Variants in RBM5 observed in about 807,000 individuals in gnomAD.
The protein encoded by RBM5 is RNA binding motif protein 5.
Under a neutral mutation model 124.6 loss-of-function variants are expected in RBM5, and 15 were observed. That is an observed-to-expected ratio of 0.12 (90% CI 0.08 to 0.19). RBM5 has a LOEUF of 0.19. RBM5 is among the 10% of genes least tolerant of loss of function. The probability of loss-of-function intolerance (pLI) is 1.00; values close to 1 mark genes in which losing one functional copy is unlikely to be tolerated. For missense variants in RBM5, 580 were observed against 1,026.5 expected, an observed-to-expected ratio of 0.57 and a Z score of 5.94; for synonymous variants, 337 against 361.2, an observed-to-expected ratio of 0.93 and a Z score of 0.76.
intron 4 of RBM5, chr3:50,099,749 C>T (rs1369877501): frequency 5.7e-6 from 2 of 350,210 alleles, no homozygotes; most frequent in African/African-American, 2.2e-5. Flanking sequence ...ATAATCCCAG[C>T]TACTCGGGAG....
intron 24 of RBM5, 70 bp from the exon 25 acceptor site, chr3:50,118,261 G>T (rs2091294478): frequency 6.3e-7 from 1 of 1,595,690 alleles, no homozygotes; most frequent in African/African-American, 1.3e-5. Context: ...GCTGGGTAAG[G>T]AGTGGGCATG....
chr3:50,118,606 C>G lies in RBM5; in HGVS notation c.*150C>G. 1 of 1,254,424 alleles carries G rather than the reference C, an allele frequency of 8.0e-7. No homozygotes were observed. Among genetic ancestry groups the G allele is most frequent in the Admixed American group, 2.4e-5 (1 of 41,978 alleles). The allele number at this position is 1,254,424 out of a possible 1,614,324, so 77.7% of individuals were successfully genotyped here. On this transcript the variant is annotated 3_prime_UTR_variant, in exon 25 of 25. Transcript: ENST00000347869. ...CATTCTGCAGGGTTCTCCCTCCCAC[C>G]TTAAAGAAGTTCCCCTTATGTGGGT...
chr3:50,107,454 T>G, intron 11 of RBM5, 28 bp from the exon 12 acceptor site: 1 of 1,525,954 alleles, frequency 6.6e-7, no homozygotes, highest in Non-Finnish European at 9.1e-7. Flanking sequence ...TGTGATAGAA[T>G]CACATGATTG....
At chr3:50,091,946 T>C (rs2090710523) in intron 2 of RBM5, 97 bp from the exon 3 acceptor site, 4 of 1,339,128 alleles carry the variant, frequency 3.0e-6, no homozygotes, top group Non-Finnish European at 4.3e-6. Context: ...TTGGATTATC[T>C]TATAAACTGA....
At chr3:50,099,364 C>T (rs2090892494) in intron 4 of RBM5, among the ~76,000 whole-genome samples, 1 of 150,256 alleles carries the variant, frequency 6.7e-6, no homozygotes, top group Admixed American at 6.6e-5. Flanking sequence ...GAAATGTTCT[C>T]TCTTTTTTGT....
rs374944268 is a variant in RBM5, at chr3:50,090,357, G to A, written c.-53-25G>A. On this transcript the variant is annotated intron_variant, in intron 1 of 24. Transcript: ENST00000347869. ...ACTTAAGTGATCTCTGAGATTTATA[G>A]CAATTAATCTCTCTTGTCTCCTAGA... is the stretch of plus-strand genomic sequence containing the variant. 21 of 1,516,676 alleles carry A rather than the reference G, an allele frequency of 1.4e-5. No homozygotes were observed. The African/African-American group carries it at 2.5e-4, about 18-fold the overall frequency. The allele number at this position is 1,516,676 out of a possible 1,614,324, so 94.0% of individuals were successfully genotyped here.
rs755611867 is a variant in RBM5, at chr3:50,108,138, A to G, written c.1110A>G (p.Gln370=). The change falls in exon 13 of 25, where the codon CAA becomes CAG. Residue 370 remains glutamine (Q), a synonymous_variant. Coordinates refer to ENST00000347869, the MANE Select transcript of RBM5 (RefSeq NM_005778.4). ...AACCAGGTCAAGATGGCTATGCCCA[A>G]TATGCTCAGGTAGGTAGATTTTAGC... ...YLQPGQDGYA[Q]YAQYSQDYQQ... 6.2e-6 allele frequency: 10 copies of G among 1,609,774 alleles called. No homozygotes were observed. In the African/African-American group the frequency reaches 8.0e-5, roughly 13 times the overall value.
chr3:50,090,344 T>C (rs2090682058), intron 1 of RBM5, 38 bp from the exon 2 acceptor site: 2 of 1,445,150 alleles, frequency 1.4e-6, no homozygotes, highest in South Asian at 1.2e-5. Flanking sequence ...TTAAGTGATC[T>C]CTGAGATTTA....
At chr3:50,096,256 A>C (rs1040981711) in intron 4 of RBM5, among the ~76,000 whole-genome samples, 3 of 151,958 alleles carry the variant, frequency 2.0e-5, no homozygotes, top group African/African-American at 7.3e-5. Flanking sequence ...CGGGAGGCCA[A>C]GGTGAAAAGA....
At chr3:50,090,735 A>C in intron 2 of RBM5, among the ~76,000 whole-genome samples, 1 of 152,202 alleles carries the variant, frequency 6.6e-6, no homozygotes, top group East Asian at 1.9e-4. Flanking sequence ...TCTGGAAGGA[A>C]GCTGAAGGAT....
chr3:50,105,884 A>C (rs1323119471), intron 10 of RBM5, among the ~76,000 whole-genome samples, 175 bp downstream of exon 10: 1 of 152,142 alleles, frequency 6.6e-6, no homozygotes, highest in African/African-American at 2.4e-5. Context: ...TAGTAAAAAT[A>C]ATGTGTATAC....
intron 24 of RBM5, chr3:50,118,064 T>C (rs757567601): frequency 1.6e-5 from 8 of 498,766 alleles, no homozygotes; most frequent in South Asian, 9.9e-5. Flanking sequence ...GAGGAATACT[T>C]TGGGGCCCTT....
At chr3:50,092,745 T>C in intron 3 of RBM5, 1 of 453,250 alleles carries the variant, frequency 2.2e-6, no homozygotes, top group Non-Finnish European at 4.4e-6. Context: ...TGTTTTGAAA[T>C]GAATGATAAA....
chr3:50,110,444 A>G lies in RBM5; in HGVS notation c.1344A>G (p.Val448=), dbSNP rs2091122094. The change falls in exon 16 of 25, where the codon GTA becomes GTG. Residue 448 remains valine (V), a synonymous_variant. Coordinates refer to ENST00000347869, the MANE Select transcript of RBM5 (RefSeq NM_005778.4). The part of the protein sequence containing the change: ...TQAPAASPTG[V]VPGTKYAVPD... ...CCCCAGCCGCTTCCCCTACTGGTGTAGTTCCTGGTACCAAATATGGTAAGC... is the reference window on the plus strand; with the variant it reads ...CCCCAGCCGCTTCCCCTACTGGTGTGGTTCCTGGTACCAAATATGGTAAGC... 1.2e-6 allele frequency: 2 copies of G among 1,614,138 alleles called. No individual in the cohort carries two copies. Among genetic ancestry groups the G allele is most frequent in the Non-Finnish European group, 8.5e-7 (1 of 1,179,980 alleles).
At chr3:50,091,362 T>C (rs1287853146) in intron 2 of RBM5, among the ~76,000 whole-genome samples, 1 of 152,244 alleles carries the variant, frequency 6.6e-6, no homozygotes, top group Non-Finnish European at 1.5e-5. Context: ...TGGTAAACAG[T>C]TTACAAAAGG....
chr3:50,095,132 C>A (rs1056605281), intron 4 of RBM5, among the ~76,000 whole-genome samples: 5 of 152,038 alleles, frequency 3.3e-5, no homozygotes, highest in Non-Finnish European at 5.9e-5. Context: ...ACCTGGGAGG[C>A]GGAGTTTACA....
At chr3:50,107,988 A>G (rs1373037885) in intron 12 of RBM5, 82 bp from the exon 13 acceptor site, 4 of 1,115,724 alleles carry the variant, frequency 3.6e-6, no homozygotes, top group Non-Finnish European at 5.5e-6. Context: ...GCCCAGCATC[A>G]TGAGCTCATT....
rs2091270623 is a variant in RBM5 at position 50,117,257 on chromosome 3, G to A, written c.2200G>A (p.Glu734Lys). Reference sequence around the variant, plus strand: ...TGTGTTTGCCACTGGCAGGAATTACGAGCAACCCACCAAAGATGGCATTGA... The same window carrying A: ...TGTGTTTGCCACTGGCAGGAATTACAAGCAACCCACCAAAGATGGCATTGA... ...KQFDAGTVNYEQPTKDGIDHS... is the reference protein window; with the variant it reads ...KQFDAGTVNYKQPTKDGIDHS... Residue 734 changes from glutamate (E) to lysine (K), a missense_variant, in exon 24 of 25, where the codon GAG (glutamate) becomes AAG (lysine). Around this residue, in one of 6 missense-constraint regions of RBM5, gnomAD observed 234 missense variants for 435.1 expected, o/e 0.54. Coordinates refer to ENST00000347869, the MANE Select transcript of RBM5 (RefSeq NM_005778.4). The surrounding 1 kb of genome is among the most constrained non-coding windows in gnomAD (Gnocchi z 4.2). 6.2e-7 allele frequency: 1 copy of A among 1,614,042 alleles called. No individual in the cohort carries two copies. The highest frequency in any genetic ancestry group is 8.5e-7 in the Non-Finnish European group (1 of 1,180,026).
intron 3 of RBM5, 40 bp from the exon 4 acceptor site, chr3:50,093,680 C>T (rs758773562): frequency 1.3e-6 from 2 of 1,596,812 alleles, no homozygotes; most frequent in Admixed American, 1.7e-5. Flanking sequence ...TCAAAGAGTA[C>T]AGGGTGATGT....
Sources: gnomAD v4.1 joint callset for allele counts (sites outside exome capture counted in the v4.1 genomes callset) on GRCh38, gnomAD v4.1.1 for gene constraint, gnomAD v4.1.1 regional missense constraint, Gnocchi (gnomAD v3.1) non-coding constraint, MANE v1.5 for transcripts, NCBI Gene and HGNC (gene_info 2026-07-23, HGNC 2026-07-21) for gene names.